The following DHX35 variants were observed in gnomAD, a reference collection of about 807,000 sequenced individuals.
The protein encoded by DHX35 is probable ATP-dependent RNA helicase DHX35.
Under a neutral mutation model 99.6 loss-of-function variants are expected in DHX35, and 84 were observed. The ratio of observed to expected loss-of-function variants is 0.84; its 90% CI spans 0.71 to 1.01. The LOEUF is 1.01. DHX35 is among the 50% of genes least tolerant of loss of function. The pLI, the probability that DHX35 is intolerant of heterozygous loss-of-function variation, is 0.00. For missense variants in DHX35, 852 were observed against 888.5 expected (o/e 0.96, Z 0.52); for synonymous variants, 331 against 316.2 (o/e 1.05, Z -0.50).
rs147968535 is a variant in DHX35 at position 39,006,191 on chromosome 20, G to A, written c.1057G>A (p.Gly353Ser). Residue 353 changes from glycine to serine, a missense_variant, in exon 12 of 22, where the codon GGC (glycine) becomes AGC (serine). Coordinates refer to ENST00000252011, the MANE Select transcript of DHX35 (RefSeq NM_021931.4). ...NVAETSITIS[G>S]IVYVIDCGFV... ...GGCAGAAACCTCTATCACAATCAGC[G>A]GCATTGTGTATGTGATCGACTGTGG... The A allele has an allele frequency of 1.3e-5, 21 of 1,614,028 alleles. No individual in the cohort carries two copies. The African/African-American group carries it at 1.3e-4, about 10-fold the overall frequency.
At chr20:38,969,849 ATAC>A (rs1453831433) in intron 2 of DHX35, among the ~76,000 whole-genome samples, 3 of 152,258 alleles carry the variant, frequency 2.0e-5, no homozygotes, top group Non-Finnish European at 4.4e-5. Flanking sequence ...CAGTTGACAT[ATAC>A]ACTTTGTCCC....
At chr20:39,024,578 T>C (rs943912358) in intron 17 of DHX35, among the ~76,000 whole-genome samples, 2 of 152,232 alleles carry the variant, frequency 1.3e-5, no homozygotes, top group Non-Finnish European at 2.9e-5. Flanking sequence ...AGTCTGAAGC[T>C]TTCTCTACCA....
At chr20:39,032,913 A>T (rs1022499763) in intron 20 of DHX35, among the ~76,000 whole-genome samples, 1 of 152,196 alleles carries the variant, frequency 6.6e-6, no homozygotes, top group African/African-American at 2.4e-5. Flanking sequence ...AATGTTACCC[A>T]GTGACCACAC....
At chr20:39,034,170 AG>A in intron 20 of DHX35, 35 bp from the exon 21 acceptor site, 1 of 1,498,940 alleles carries the variant, frequency 6.7e-7, no homozygotes. Context: ...TCATCACAAG[AG>A]GGGGAAATTA....
chr20:38,992,390 T>C lies in DHX35; in HGVS notation c.547T>C (p.Leu183=), dbSNP rs750175204. 1.9e-6 allele frequency: 3 copies of C among 1,614,026 alleles called. No homozygotes were observed. The highest frequency in any genetic ancestry group is 2.5e-6 in the Non-Finnish European group (3 of 1,180,002). The part of the protein sequence containing the change: ...IMLDEAHERT[L]YTDIAIGLLK... ...GCTGGATGAAGCCCACGAGAGGACCTTGTACACTGACATTGCCATTGGCTT... is the reference window on the plus strand; with the variant it reads ...GCTGGATGAAGCCCACGAGAGGACCCTGTACACTGACATTGCCATTGGCTT... Residue 183 remains leucine, a synonymous_variant, in exon 7 of 22, where the codon TTG becomes CTG. Transcript: ENST00000252011.
chr20:38,991,595 G>A, intron 6 of DHX35, 80 bp downstream of exon 6: 1 of 1,276,612 alleles, frequency 7.8e-7, no homozygotes, highest in South Asian at 1.3e-5. Context: ...GTTAGTAGCT[G>A]GGATTCACGT....
chr20:38,997,188 A>G (rs1439094495), intron 8 of DHX35, among the ~76,000 whole-genome samples: 1 of 152,070 alleles, frequency 6.6e-6, no homozygotes, highest in Non-Finnish European at 1.5e-5. Flanking sequence ...CTCGTGCTTC[A>G]GCCTCCCAAG....
At chr20:38,967,815 A>G (rs1024510450) in intron 1 of DHX35, among the ~76,000 whole-genome samples, 5 of 152,168 alleles carry the variant, frequency 3.3e-5, no homozygotes, top group Non-Finnish European at 7.3e-5. Context: ...CATGGTTCCA[A>G]TGGGGACTGT....
chr20:38,991,263 C>A (rs1172686296), intron 5 of DHX35, among the ~76,000 whole-genome samples, 191 bp from the exon 6 acceptor site: 3 of 152,152 alleles, frequency 2.0e-5, no homozygotes, highest in Non-Finnish European at 4.4e-5. Flanking sequence ...CAGCTGAGGA[C>A]CCTGTGTTTA....
chr20:38,982,696 A>G (rs914922199), intron 3 of DHX35, among the ~76,000 whole-genome samples: 1 of 151,934 alleles, frequency 6.6e-6, no homozygotes, highest in Admixed American at 6.5e-5. Context: ...CTTAGTATCT[A>G]TATTATCCTT....
chr20:38,962,381 T>G lies in DHX35; in HGVS notation c.14T>G (p.Val5Gly), dbSNP rs2085843920. The G allele has an allele frequency of 7.4e-6, 12 of 1,612,910 alleles. No individual in the cohort carries two copies. The highest frequency in any genetic ancestry group is 1.0e-5 in the Non-Finnish European group (12 of 1,179,350). The change falls in exon 1 of 22, where the codon GTG (valine) becomes GGG (glycine). Residue 5 changes from valine to glycine, a missense_variant. Physicochemically the swap from Val to Gly is moderately radical, Grantham distance 109 (BLOSUM62 -3). Transcript: ENST00000252011. Reference protein sequence around the residue: MAAPVGPVKFWRPGT... With the variant: MAAPGGPVKFWRPGT... ...TTTTACCCCAACATGGCTGCGCCCGTGGGACCGGTGAAGTTCTGGCGACCC... is the reference window on the plus strand; with the variant it reads ...TTTTACCCCAACATGGCTGCGCCCGGGGGACCGGTGAAGTTCTGGCGACCC...
Position 39,021,869 on chromosome 20 carries a change from A to G in DHX35, c.1527A>G (p.Leu509=). ...ACTTCGGCTGTTCTCAGGAAATTCT[A>G]AGCATCGCTGCCATGATGCAGATCC... is the stretch of plus-strand genomic sequence containing the variant. ...SGNFGCSQEI[L]SIAAMMQIQN... The change falls in exon 16 of 22, where the codon CTA becomes CTG. Residue 509 remains leucine (L), a synonymous_variant. Coordinates refer to ENST00000252011, the MANE Select transcript of DHX35 (RefSeq NM_021931.4). The G allele has an allele frequency of 1.2e-6, 2 of 1,614,162 alleles. No homozygotes were observed. The highest frequency in any genetic ancestry group is 1.7e-6 in the Non-Finnish European group (2 of 1,180,002).
At chr20:39,030,385 C>T (rs779690380) in intron 19 of DHX35, 4 of 309,944 alleles carry the variant, frequency 1.3e-5, no homozygotes, top group South Asian at 4.6e-5. Flanking sequence ...TATTTCCATT[C>T]CAAAGGAAAT....
chr20:39,016,587 A>T (rs1425146734), intron 14 of DHX35, among the ~76,000 whole-genome samples: 1 of 152,246 alleles, frequency 6.6e-6, no homozygotes, highest in Admixed American at 6.5e-5. Context: ...GATATAAATA[A>T]TGCTGCTATA....
chr20:39,004,102 G>A (rs578199537), intron 11 of DHX35, among the ~76,000 whole-genome samples, 195 bp downstream of exon 11: 5 of 151,740 alleles, frequency 3.3e-5, no homozygotes, highest in Non-Finnish European at 5.9e-5. Context: ...TCGCTCTGTT[G>A]CCCAGGCTGG....
intron 1 of DHX35, among the ~76,000 whole-genome samples, chr20:38,963,216 T>C (rs1326799197): frequency 6.6e-6 from 1 of 152,238 alleles, no homozygotes; most frequent in Non-Finnish European, 1.5e-5. Flanking sequence ...ACTTCCTCTC[T>C]GCAAACAGTT....
intron 14 of DHX35, 64 bp downstream of exon 14, chr20:39,014,998 C>T (rs1338350406): frequency 1.3e-6 from 2 of 1,573,764 alleles, no homozygotes; most frequent in Non-Finnish European, 1.7e-6. Context: ...TTAGTGAGGT[C>T]ATATTCACTT....
Position 39,008,812 on chromosome 20 carries a change from C to T in DHX35, c.1223-1468C>T, listed in dbSNP as rs140599076. On this transcript the variant is annotated intron_variant, in intron 12 of 21. Transcript: ENST00000252011. ...TTTTCCTTGAGCTGTTTCCTCTTTGCCCAACAGATCCTCCTTGTCCTTCAA... is the reference window on the plus strand; with the variant it reads ...TTTTCCTTGAGCTGTTTCCTCTTTGTCCAACAGATCCTCCTTGTCCTTCAA... Among the ~76,000 whole-genome samples the T allele has an allele frequency of 2.2e-4, 33 of 152,330 alleles. No individual in the cohort carries two copies. In the East Asian group the frequency reaches 5.6e-3, roughly 26 times the overall value.
At chr20:39,027,484 A>G (rs981130156) in intron 18 of DHX35, among the ~76,000 whole-genome samples, 2 of 152,238 alleles carry the variant, frequency 1.3e-5, no homozygotes, top group Non-Finnish European at 2.9e-5. Flanking sequence ...AAATATGCCG[A>G]TAGTAATCAA....
Sources: gnomAD v4.1 joint callset for allele counts (sites outside exome capture counted in the v4.1 genomes callset) on GRCh38, gnomAD v4.1.1 for gene constraint, MANE v1.5 for transcripts, NCBI Gene and HGNC (gene_info 2026-07-23, HGNC 2026-07-21) for gene names.